Variants in COL5A2 observed in about 807,000 individuals in gnomAD.
COL5A2 encodes the protein collagen alpha-2(V) chain.
COL5A2 carries 23 observed loss-of-function variants against 208.2 expected under a neutral mutation model. The observed-to-expected ratio is 0.11, with a 90% CI of 0.08 to 0.16. The LOEUF is 0.16. COL5A2 is among the 10% of genes least tolerant of loss of function. The probability of loss-of-function intolerance (pLI) is 1.00; values close to 1 mark genes in which losing one functional copy is unlikely to be tolerated. For missense variants in COL5A2, 1,590 were observed against 1,956.4 expected (o/e 0.81, Z 3.53); for synonymous variants, 625 against 628.5 (o/e 0.99, Z 0.08).
At chr2:189,051,899 A>G (rs1685797185) in intron 41 of COL5A2, among the ~76,000 whole-genome samples, 1 of 152,216 alleles carries the variant, frequency 6.6e-6, no homozygotes, top group Admixed American at 6.5e-5. Context: ...AATGATTATT[A>G]GCACATAATA....
chr2:189,268,797 A>G, the COL5A2 span, among the ~76,000 whole-genome samples: 1 of 152,166 alleles, frequency 6.6e-6, no homozygotes, highest in Non-Finnish European at 1.5e-5. Flanking sequence ...ATAAAGCTAC[A>G]TATTAGAAAA....
the COL5A2 span, among the ~76,000 whole-genome samples, chr2:189,334,974 G>A: frequency 6.6e-6 from 1 of 151,682 alleles, no homozygotes; most frequent in Non-Finnish European, 1.5e-5. Context: ...TTTAATAGGG[G>A]AAATTATAAC....
intron 1 of COL5A2, among the ~76,000 whole-genome samples, chr2:189,170,189 T>TA (rs1441776558): frequency 1.3e-5 from 2 of 151,962 alleles, no homozygotes; most frequent in South Asian, 2.1e-4. Flanking sequence ...CACAGAGAAA[T>TA]AAAAAAAATT....
chr2:189,168,343 T>G (rs554958939), intron 1 of COL5A2, among the ~76,000 whole-genome samples: 79 of 151,094 alleles, frequency 5.2e-4, no homozygotes, highest in African/African-American at 1.4e-3. Flanking sequence ...TGCTGAAACC[T>G]CAGAAGTTTT....
intron 1 of COL5A2, among the ~76,000 whole-genome samples, chr2:189,134,460 G>A (rs776498431): frequency 3.9e-5 from 6 of 152,096 alleles, no homozygotes; most frequent in Non-Finnish European, 8.8e-5. Flanking sequence ...GTGGTGGCAC[G>A]TGCCTGTAAT....
At chr2:189,127,357 G>T (rs909093925) in intron 1 of COL5A2, among the ~76,000 whole-genome samples, 1 of 151,940 alleles carries the variant, frequency 6.6e-6, no homozygotes, top group African/African-American at 2.4e-5. Context: ...TCAAAAGAAT[G>T]AGAAGAAATG....
At position 189,035,119 on chromosome 2, in the gene COL5A2, T is replaced by C. The variant is rs1229702886; in HGVS notation, c.4150A>G (p.Ile1384Val). Residue 1384 changes from isoleucine to valine, a missense_variant, in exon 53 of 54, where the codon ATT becomes GTT. Coordinates refer to ENST00000374866, the MANE Select transcript of COL5A2 (RefSeq NM_000393.5). ...AGGCGCAAAAAAGTCATCTGAGTAATGGCTGTATTAGGTGATTGGTGGTCT... is the reference window on the plus strand; with the variant it reads ...AGGCGCAAAAAAGTCATCTGAGTAACGGCTGTATTAGGTGATTGGTGGTCT... ...YGDHQSPNTA[I>V]TQMTFLRLLS... 3 of 1,613,920 alleles carry C rather than the reference T, an allele frequency of 1.9e-6. No homozygotes were observed. Among genetic ancestry groups the C allele is most frequent in the South Asian group, 2.2e-5 (2 of 91,074 alleles).
chr2:189,410,090 AAG>A, the COL5A2 span, among the ~76,000 whole-genome samples: 1 of 152,172 alleles, frequency 6.6e-6, no homozygotes, highest in African/African-American at 2.4e-5. Context: ...AAGTTATGAA[AAG>A]AGAGAGCTAC....
chr2:189,409,842 C>T, the COL5A2 span, among the ~76,000 whole-genome samples: 4 of 152,106 alleles, frequency 2.6e-5, no homozygotes, highest in Non-Finnish European at 4.4e-5. Context: ...TAATAGTTTT[C>T]CATCCACACC....
chr2:189,354,653 A>G, the COL5A2 span, among the ~76,000 whole-genome samples: 1 of 151,830 alleles, frequency 6.6e-6, no homozygotes, highest in African/African-American at 2.4e-5. Context: ...TATTGCATCT[A>G]TTTGATTCTT....
the COL5A2 span, among the ~76,000 whole-genome samples, chr2:189,292,974 AATC>A: frequency 2.6e-5 from 4 of 152,142 alleles, no homozygotes; most frequent in Non-Finnish European, 5.9e-5. Flanking sequence ...TGAAACTAGA[AATC>A]ATCATTCTCA....
intron 1 of COL5A2, among the ~76,000 whole-genome samples, chr2:189,159,369 A>T (rs944962711): frequency 6.6e-6 from 1 of 152,208 alleles, no homozygotes; most frequent in Non-Finnish European, 1.5e-5. Context: ...AATGTCTAAC[A>T]TGGTGCTTAG....
chr2:189,191,438 C>T (rs1312852858), intron 1 of COL5A2, among the ~76,000 whole-genome samples: 3 of 151,810 alleles, frequency 2.0e-5, no homozygotes, highest in Admixed American at 1.3e-4. Flanking sequence ...GTCAGGAGTT[C>T]GCGACCAGCC....
chr2:189,033,794 G>A lies in COL5A2; in HGVS notation c.*276C>T. Reference sequence around the variant, plus strand: ...AAACGGAGATTTATTTATTCAATCAGTTTACTTTCTGCAAAGGTGGTCATT... The same window carrying A: ...AAACGGAGATTTATTTATTCAATCAATTTACTTTCTGCAAAGGTGGTCATT... On this transcript the variant is annotated 3_prime_UTR_variant, in exon 54 of 54. Coordinates refer to ENST00000374866, the MANE Select transcript of COL5A2 (RefSeq NM_000393.5). The A allele has an allele frequency of 2.1e-6, 1 of 474,096 alleles. No homozygotes were observed. 29.4% of individuals were successfully genotyped at this position (474,096 alleles called of 1,614,324 possible).
At chr2:189,255,517 C>A in the COL5A2 span, among the ~76,000 whole-genome samples, 2 of 152,104 alleles carry the variant, frequency 1.3e-5, no homozygotes, top group African/African-American at 4.8e-5. Flanking sequence ...AATATTCTCA[C>A]AGAAAGACTA....
At chr2:189,153,392 T>C (rs765675003) in intron 1 of COL5A2, among the ~76,000 whole-genome samples, 4 of 152,190 alleles carry the variant, frequency 2.6e-5, no homozygotes, top group Admixed American at 6.5e-5. Context: ...AGAGCTTACA[T>C]GATTCAGTCA....
chr2:189,433,186 G>A, the COL5A2 span, among the ~76,000 whole-genome samples: 6 of 152,210 alleles, frequency 3.9e-5, no homozygotes, highest in African/African-American at 1.4e-4. Flanking sequence ...AAAGCAATGT[G>A]TAGGGAGAAA....
the COL5A2 span, among the ~76,000 whole-genome samples, chr2:189,435,570 G>GA: frequency 6.6e-6 from 1 of 152,110 alleles, no homozygotes; most frequent in Admixed American, 6.5e-5. Flanking sequence ...ACACACACAT[G>GA]AAAAAATGAT....
chr2:189,058,368 T>C (rs780162204), intron 33 of COL5A2, 61 bp downstream of exon 33: 26 of 1,220,484 alleles, frequency 2.1e-5, no homozygotes, highest in African/African-American at 8.9e-5. Flanking sequence ...CACACCATCA[T>C]GCGTTTATTA....
Sources: gnomAD v4.1 joint callset for allele counts (sites outside exome capture counted in the v4.1 genomes callset) on GRCh38, gnomAD v4.1.1 for gene constraint, MANE v1.5 for transcripts, NCBI Gene and HGNC (gene_info 2026-07-23, HGNC 2026-07-21) for gene names.